Variants in ATM observed in about 807,000 individuals in gnomAD.
ATM encodes the protein serine-protein kinase ATM.
ATM carries 308 observed loss-of-function variants against 387.0 expected under a neutral mutation model. The observed-to-expected ratio is 0.80, with a 90% confidence interval of 0.73 to 0.87. The LOEUF is 0.87. Among genes scored for constraint, ATM ranks in the 40% least tolerant of loss-of-function variants. The pLI is 0.00. For synonymous variants in ATM, 1,156 were observed against 1,187.3 expected, an observed-to-expected ratio of 0.97 and a Z score of 0.54; for missense variants, 3,312 against 3,560.9, an observed-to-expected ratio of 0.93 and a Z score of 1.78.
chr11:108,286,275 T>TGCATTC (rs1416742894), intron 26 of ATM, among the ~76,000 whole-genome samples: 1 of 121,836 alleles, frequency 8.2e-6, no homozygotes, highest in African/African-American at 3.3e-5. Context: ...ATTGTACCAC[T>TGCATTC]GCATTCCAGC....
intron 16 of ATM, among the ~76,000 whole-genome samples, chr11:108,260,794 G>A (rs900395698): frequency 1.3e-5 from 2 of 152,198 alleles, no homozygotes; most frequent in Non-Finnish European, 2.9e-5. Flanking sequence ...CACCGTGCGC[G>A]AGCCGAAGCA....
intron 16 of ATM, among the ~76,000 whole-genome samples, chr11:108,261,058 G>C (rs550413646): frequency 0.021 from 3,239 of 152,304 alleles, 82 homozygotes; most frequent in African/African-American, 0.066. Flanking sequence ...GCGAGGCTGG[G>C]GGAGGGATGC....
At chr11:108,255,815 A>C (rs2080438871) in intron 13 of ATM, among the ~76,000 whole-genome samples, 1 of 152,252 alleles carries the variant, frequency 6.6e-6, no homozygotes, top group South Asian at 2.1e-4. Context: ...CCTATTCTTC[A>C]GAAGCTTAAA....
chr11:108,244,091 T>C lies in ATM; in HGVS notation c.635T>C (p.Phe212Ser), dbSNP rs1591500544. Reference sequence around the variant, plus strand: ...GGATTAAATTCCAAATTTTTGGACTTTTTTTCCAAGGCTATTCAGTGTGCG... The same window carrying C: ...GGATTAAATTCCAAATTTTTGGACTCTTTTTCCAAGGCTATTCAGTGTGCG... ...TDGLNSKFLDFFSKAIQCARQ... is the reference protein window; with the variant it reads ...TDGLNSKFLDSFSKAIQCARQ... The change falls in exon 6 of 63, where the codon TTT becomes TCT. Residue 212 changes from phenylalanine to serine, a missense_variant. Phe to Ser is a radical substitution (Grantham distance 155). Transcript: ENST00000675843. The C allele has an allele frequency of 4.3e-6, 7 of 1,613,922 alleles. No individual in the cohort carries two copies. The highest frequency in any genetic ancestry group is 5.9e-6 in the Non-Finnish European group (7 of 1,179,896).
At chr11:108,264,000 A>C (rs555664361) in intron 16 of ATM, among the ~76,000 whole-genome samples, 9 of 149,816 alleles carry the variant, frequency 6.0e-5, no homozygotes, top group Non-Finnish European at 1.0e-4. Flanking sequence ...TAGCTTACCA[A>C]CAAAAAAGAG....
intron 13 of ATM, among the ~76,000 whole-genome samples, chr11:108,254,806 G>A (rs761001698): frequency 2.6e-5 from 4 of 152,082 alleles, no homozygotes; most frequent in Non-Finnish European, 5.9e-5. Context: ...GTGCTACCAC[G>A]CCCAGGTAAT....
In ATM at chr11:108,250,970, C is replaced by G. The variant is rs766595156; in HGVS notation, c.1505C>G (p.Ala502Gly). 2 of 1,613,964 alleles carry G rather than the reference C, an allele frequency of 1.2e-6. No individual in the cohort carries two copies. The highest frequency in any genetic ancestry group is 2.7e-5 in the African/African-American group (2 of 74,900). Residue 502 changes from alanine (A) to glycine (G), a missense_variant, in exon 10 of 63, where the codon GCT becomes GGT. By Grantham distance (60) the Ala-to-Gly change is moderately conservative (BLOSUM62 0). This residue lies in a region of ATM where 1,791 missense variants were observed against 1,804.5 expected (regional missense o/e 0.99). Transcript: ENST00000675843. ...GGTATAAGTTCTGAGCAAATACAAG[C>G]TGAAAACTTTGGCTTACTTGGAGCC... ...FRGISSEQIQ[A>G]ENFGLLGAII...
rs2135352285 is a variant in ATM, at chr11:108,252,810, T to C, written c.1803-7T>C. The C allele has an allele frequency of 1.9e-6, 3 of 1,592,540 alleles. No homozygotes were observed. The highest frequency in any genetic ancestry group is 1.7e-6 in the Non-Finnish European group (2 of 1,161,262). On this transcript the variant is annotated splice_polypyrimidine_tract_variant and splice_region_variant and intron_variant, in intron 11 of 62. Transcript: ENST00000675843. ...TTCTAAGTGAAGCTTTTTGTTTTTC[T>C]TTGTAGTAATTTTCCTCATCTTGTA...
At chr11:108,307,005 T>C (rs1213836631) in intron 37 of ATM, among the ~76,000 whole-genome samples, 1 of 152,238 alleles carries the variant, frequency 6.6e-6, no homozygotes, top group East Asian at 1.9e-4. Flanking sequence ...TTTAGCACAG[T>C]TGAAATTCTT....
intron 5 of ATM, among the ~76,000 whole-genome samples, chr11:108,241,742 CTTTTTTTTTTT>C (rs1206745957): frequency 1.0e-3 from 47 of 45,350 alleles, no homozygotes; most frequent in African/African-American, 3.1e-3. Context: ...TTCTTTCTTT[CTTTTTTTTTTT>C]TTTTTTTTTT....
Position 108,271,116 on chromosome 11 carries a change from A to T in ATM, c.2891A>T (p.Glu964Val), listed in dbSNP as rs2081551575. 1.9e-6 allele frequency: 3 copies of T among 1,614,138 alleles called. No homozygotes were observed. The highest frequency in any genetic ancestry group is 1.3e-5 in the African/African-American group (1 of 75,044). The stretch of plus-strand genomic sequence containing the variant: ...GGAGAAGAGTACCCCTTGCCAATGG[A>T]AGATGTTCTTGAACTTCTGAAACCA... ...LPGEEYPLPM[E>V]DVLELLKPLS... The change falls in exon 19 of 63, where the codon GAA becomes GTA. Residue 964 changes from glutamate to valine, a missense_variant. Physicochemically the swap from Glu to Val is moderately radical, Grantham distance 121 (BLOSUM62 -2). This residue lies in a region of ATM where 1,791 missense variants were observed against 1,804.5 expected (regional missense o/e 0.99). Coordinates refer to ENST00000675843, the MANE Select transcript of ATM (RefSeq NM_000051.4).
chr11:108,359,812 T>A (rs2090485972), intron 61 of ATM, among the ~76,000 whole-genome samples: 1 of 151,320 alleles, frequency 6.6e-6, no homozygotes, highest in African/African-American at 2.4e-5. Flanking sequence ...TAGAGGGAAA[T>A]TTATAGCACT....
chr11:108,231,146 T>A (rs2078994007), intron 4 of ATM, among the ~76,000 whole-genome samples: 1 of 152,214 alleles, frequency 6.6e-6, no homozygotes, highest in Non-Finnish European at 1.5e-5. Flanking sequence ...ACATTTTACT[T>A]GCTATGATTT....
At chr11:108,272,687 C>T (rs974158481) in intron 21 of ATM, 35 bp from the exon 22 acceptor site, 8 of 1,613,252 alleles carry the variant, frequency 5.0e-6, no homozygotes, top group Non-Finnish European at 6.8e-6. Context: ...TAATTTTTCT[C>T]TATTTCATAT....
chr11:108,304,202 A>C (rs1483965985), intron 36 of ATM, among the ~76,000 whole-genome samples: 1 of 152,230 alleles, frequency 6.6e-6, no homozygotes, highest in African/African-American at 2.4e-5. Flanking sequence ...AAAAATAAAC[A>C]TTTTTAACAT....
intron 8 of ATM, 121 bp from the exon 9 acceptor site, chr11:108,248,812 T>C (rs537089202): frequency 3.7e-6 from 3 of 801,522 alleles, no homozygotes; most frequent in Admixed American, 2.7e-5. Flanking sequence ...CACTTGAACC[T>C]GGGAGGTAGA....
intron 47 of ATM, among the ~76,000 whole-genome samples, chr11:108,326,837 A>AT (rs2136352959): frequency 6.6e-6 from 1 of 151,978 alleles, no homozygotes; most frequent in South Asian, 2.1e-4. Context: ...TTATTTATTT[A>AT]TTTTTTGAGA....
Position 108,304,993 on chromosome 11 carries a change from T to C in ATM, c.5674+141T>C, listed in dbSNP as rs536204189. Reference sequence around the variant, plus strand: ...TGTTTCTTCATCTATGGAATGGAGATAAAAGTTGCCAACAGTTGCAACAAG... The same window carrying C: ...TGTTTCTTCATCTATGGAATGGAGACAAAAGTTGCCAACAGTTGCAACAAG... On this transcript the variant is annotated intron_variant, in intron 37 of 62. Coordinates refer to ENST00000675843, the MANE Select transcript of ATM (RefSeq NM_000051.4). The C allele has an allele frequency of 2.4e-5, 26 of 1,066,978 alleles. 1 individual carries two copies. In the Admixed American group the frequency reaches 5.4e-4, roughly 22 times the overall value. The allele number at this position is 1,066,978 out of a possible 1,614,324, so 66.1% of individuals were successfully genotyped here. A position where few individuals can be genotyped will look rare whatever the true frequency, so the allele number is the denominator to read the frequency against.
chr11:108,313,037 C>T lies in ATM; in HGVS notation c.6006+539C>T, dbSNP rs556308289. Among the ~76,000 whole-genome samples the T allele has an allele frequency of 3.9e-5, 6 of 152,282 alleles. No homozygotes were observed. In the South Asian group the frequency reaches 1.2e-3, roughly 32 times the overall value. On this transcript the variant is annotated intron_variant, in intron 40 of 62. Transcript: ENST00000675843. ...GCCGCTGCTTTCAGCCTGCCTCCTA[C>T]TTGGAGAAAATAGAAGGCATAGAGA...
Sources: gnomAD v4.1 joint callset for allele counts (sites outside exome capture counted in the v4.1 genomes callset) on GRCh38, gnomAD v4.1.1 for gene constraint, gnomAD v4.1.1 regional missense constraint, MANE v1.5 for transcripts, NCBI Gene and HGNC (gene_info 2026-07-23, HGNC 2026-07-21) for gene names.